Variants in FRMD4A observed in about 807,000 individuals in gnomAD.
The protein encoded by FRMD4A is FERM domain-containing protein 4A.
Under a neutral mutation model 129.1 loss-of-function variants are expected in FRMD4A, and 29 were observed. The ratio of observed to expected loss-of-function variants is 0.22; its 90% CI spans 0.17 to 0.31. The LOEUF is 0.31. Among genes scored for constraint, FRMD4A ranks in the 10% least tolerant of loss-of-function variants. FRMD4A has a pLI of 1.00. For synonymous variants in FRMD4A, 634 were observed against 571.6 expected, an observed-to-expected ratio of 1.11 and a Z score of -1.56; for missense variants, 1,272 against 1,375.8, an observed-to-expected ratio of 0.92 and a Z score of 1.19.
chr10:14,026,904 C>T (rs1247285813), intron 2 of FRMD4A, among the ~76,000 whole-genome samples: 3 of 152,156 alleles, frequency 2.0e-5, no homozygotes, highest in Non-Finnish European at 1.5e-5. Flanking sequence ...AGTTTTCCAG[C>T]GATCTCAGAG....
At chr10:14,080,220 C>T (rs533555731) in intron 2 of FRMD4A, among the ~76,000 whole-genome samples, 1 of 152,290 alleles carries the variant, frequency 6.6e-6, no homozygotes, top group African/African-American at 2.4e-5. Flanking sequence ...CCCACTCTAG[C>T]CTGCCCCCTA....
intron 2 of FRMD4A, among the ~76,000 whole-genome samples, chr10:14,027,690 CA>C (rs1833047727): frequency 6.6e-6 from 1 of 152,196 alleles, no homozygotes; most frequent in Non-Finnish European, 1.5e-5. Context: ...ATGTAAATAG[CA>C]AACTTCAGGG....
At chr10:13,913,136 T>G (rs1214426777) in intron 2 of FRMD4A, among the ~76,000 whole-genome samples, 1 of 150,390 alleles carries the variant, frequency 6.6e-6, no homozygotes, top group East Asian at 1.9e-4. Flanking sequence ...TGCCCCAACA[T>G]GGATGAACCT....
intron 2 of FRMD4A, among the ~76,000 whole-genome samples, chr10:14,200,351 TG>T (rs1322915040): frequency 7.1e-6 from 1 of 140,004 alleles, no homozygotes; most frequent in East Asian, 2.1e-4. Context: ...TGGAGTGCAG[TG>T]GTGCAATCTC....
chr10:13,971,234 A>T (rs2095516383), intron 2 of FRMD4A, among the ~76,000 whole-genome samples: 1 of 152,226 alleles, frequency 6.6e-6, no homozygotes, highest in African/African-American at 2.4e-5. Context: ...TAAATCATCC[A>T]TTGTGAGAGG....
At chr10:14,117,239 A>C (rs1332331296) in intron 2 of FRMD4A, among the ~76,000 whole-genome samples, 1 of 152,276 alleles carries the variant, frequency 6.6e-6, no homozygotes, top group African/African-American at 2.4e-5. Context: ...GCAAGAGTCC[A>C]TCACAAGGCA....
rs1016739034 is a variant in FRMD4A at position 14,202,477 on chromosome 10, C to T, written c.45+127581G>A. On this transcript the variant is annotated intron_variant, in intron 2 of 24. Transcript: ENST00000357447. ...GGTGCAGTGGCGCTATCTCGGCTCA[C>T]TGCAACCTGCGCCTCCTGGGTTCAA... Among the ~76,000 whole-genome samples, 4 of 152,302 alleles carry T rather than the reference C, an allele frequency of 2.6e-5. No homozygotes were observed. In the East Asian group the frequency reaches 5.8e-4, roughly 22 times the overall value.
At chr10:14,060,911 T>C (rs1834777683) in intron 2 of FRMD4A, among the ~76,000 whole-genome samples, 2 of 152,176 alleles carry the variant, frequency 1.3e-5, no homozygotes, top group African/African-American at 4.8e-5. Flanking sequence ...AAACCTACCA[T>C]GAGTAATGTT....
chr10:13,782,441 A>G (rs2092759864), intron 6 of FRMD4A, among the ~76,000 whole-genome samples: 1 of 115,168 alleles, frequency 8.7e-6, no homozygotes, highest in Non-Finnish European at 1.9e-5. Context: ...TATTATTATT[A>G]TTATTCCTTT....
At chr10:13,788,764 G>T (rs2092926980) in intron 5 of FRMD4A, among the ~76,000 whole-genome samples, 1 of 152,216 alleles carries the variant, frequency 6.6e-6, no homozygotes, top group Non-Finnish European at 1.5e-5. Context: ...CGAAATAGGT[G>T]CTCTGTGTTT....
At chr10:14,109,663 A>G (rs970947407) in intron 2 of FRMD4A, among the ~76,000 whole-genome samples, 1 of 152,182 alleles carries the variant, frequency 6.6e-6, no homozygotes, top group Non-Finnish European at 1.5e-5. Context: ...AGAAGTTTAC[A>G]TTATTTCCAG....
chr10:14,189,348 T>G (rs1842246849), intron 2 of FRMD4A, among the ~76,000 whole-genome samples: 1 of 151,940 alleles, frequency 6.6e-6, no homozygotes, highest in Admixed American at 6.5e-5. Flanking sequence ...CAGAGGTGGG[T>G]GGATCACCTG....
intron 2 of FRMD4A, among the ~76,000 whole-genome samples, chr10:14,076,542 A>G (rs1257122006): frequency 1.3e-5 from 2 of 152,074 alleles, no homozygotes; most frequent in East Asian, 1.9e-4. Context: ...CGGGAGGCTG[A>G]GGCAGGAGAA....
chr10:13,746,115 G>T (rs11815981), intron 9 of FRMD4A, among the ~76,000 whole-genome samples: 17 of 152,252 alleles, frequency 1.1e-4, no homozygotes, highest in South Asian at 2.1e-4. Context: ...AATTAGGGAC[G>T]CCAGACACGG....
chr10:14,232,248 A>C (rs1024759332), intron 2 of FRMD4A, among the ~76,000 whole-genome samples: 5 of 151,976 alleles, frequency 3.3e-5, no homozygotes, highest in African/African-American at 1.2e-4. Flanking sequence ...GTACATTTGC[A>C]GCTTTTTTTC....
intron 3 of FRMD4A, among the ~76,000 whole-genome samples, chr10:13,828,837 G>A (rs768847461): frequency 2.0e-5 from 3 of 152,040 alleles, no homozygotes; most frequent in South Asian, 2.1e-4. Context: ...AGGCCACCAC[G>A]TTTTCTTTAT....
At chr10:14,213,778 C>T (rs187844340) in intron 2 of FRMD4A, among the ~76,000 whole-genome samples, 47 of 152,302 alleles carry the variant, frequency 3.1e-4, no homozygotes, top group African/African-American at 1.1e-3. Context: ...CCATAATCCC[C>T]AAGTGTTGCG....
intron 13 of FRMD4A, among the ~76,000 whole-genome samples, chr10:13,704,260 C>T (rs1430250313): frequency 6.6e-6 from 1 of 152,194 alleles, no homozygotes; most frequent in African/African-American, 2.4e-5. Flanking sequence ...CATTTCCTTT[C>T]CTTGTGTGTC....
At chr10:14,158,847 G>C (rs983072748) in intron 2 of FRMD4A, among the ~76,000 whole-genome samples, 24 of 138,820 alleles carry the variant, frequency 1.7e-4, no homozygotes, top group Admixed American at 1.1e-3. Context: ...AGAGGAGGAG[G>C]AGGAGGAGGA....
Sources: gnomAD v4.1 joint callset for allele counts (sites outside exome capture counted in the v4.1 genomes callset) on GRCh38, gnomAD v4.1.1 for gene constraint, MANE v1.5 for transcripts, NCBI Gene and HGNC (gene_info 2026-07-23, HGNC 2026-07-21) for gene names.